The following SCHIP1 variants were observed in gnomAD, a reference collection of about 807,000 sequenced individuals.
SCHIP1 encodes the protein schwannomin-interacting protein 1.
In SCHIP1, 8 loss-of-function variants were observed where a neutral mutation model predicts 29.7. The observed-to-expected ratio is 0.27, with a 90% confidence interval of 0.16 to 0.49. The LOEUF (loss-of-function observed/expected upper bound fraction) is 0.49. SCHIP1 is among the 20% of genes least tolerant of loss of function. The pLI, the probability that SCHIP1 is intolerant of heterozygous loss-of-function variation, is 0.99. For synonymous variants in SCHIP1, 76 were observed against 94.9 expected (o/e 0.80, Z 1.16); for missense variants, 193 against 294.6 (o/e 0.66, Z 2.52).
the SCHIP1 span, among the ~76,000 whole-genome samples, chr3:159,472,860 T>C: frequency 6.6e-6 from 1 of 152,142 alleles, no homozygotes; most frequent in Non-Finnish European, 1.5e-5. Context: ...GTAGTTAAGA[T>C]TCAGTGGAAG....
At chr3:159,537,810 A>G in the SCHIP1 span, among the ~76,000 whole-genome samples, 1 of 152,180 alleles carries the variant, frequency 6.6e-6, no homozygotes, top group Non-Finnish European at 1.5e-5. Context: ...AGGGGCTTGG[A>G]AGAAATTAAC....
the SCHIP1 span, among the ~76,000 whole-genome samples, chr3:159,424,427 T>G: frequency 2.0e-5 from 3 of 152,048 alleles, no homozygotes; most frequent in African/African-American, 7.2e-5. Context: ...ATCAACTGGA[T>G]ATCAGTGTAT....
chr3:159,750,267 A>G, the SCHIP1 span, among the ~76,000 whole-genome samples: 24 of 9,284 alleles, frequency 2.6e-3, no homozygotes, highest in Admixed American at 0.016. Context: ...GTGTGTGTAT[A>G]TATATATATA....
chr3:159,624,243 A>G, the SCHIP1 span, among the ~76,000 whole-genome samples: 1 of 152,230 alleles, frequency 6.6e-6, no homozygotes, highest in African/African-American at 2.4e-5. Context: ...GATCAAGAAC[A>G]TGAGATTTGA....
chr3:159,880,359 G>A (rs1231120400), intron 2 of SCHIP1, among the ~76,000 whole-genome samples: 1 of 152,120 alleles, frequency 6.6e-6, no homozygotes, highest in African/African-American at 2.4e-5. Context: ...CCTTATTAAT[G>A]TCCAGGTAGC....
chr3:159,659,829 C>G, the SCHIP1 span, among the ~76,000 whole-genome samples: 1 of 152,040 alleles, frequency 6.6e-6, no homozygotes. Flanking sequence ...ATGAATAATT[C>G]AAATAAGACA....
the SCHIP1 span, among the ~76,000 whole-genome samples, chr3:159,732,592 A>G: frequency 6.6e-6 from 1 of 152,244 alleles, no homozygotes; most frequent in Non-Finnish European, 1.5e-5. Flanking sequence ...TAATGCAGCC[A>G]GTGAGGATGC....
the SCHIP1 span, among the ~76,000 whole-genome samples, chr3:159,554,100 G>A: frequency 6.6e-6 from 1 of 151,472 alleles, no homozygotes; most frequent in Non-Finnish European, 1.5e-5. Context: ...TCGGACTCCT[G>A]ACCTCGTGAT....
At chr3:159,835,882 C>T (rs1195159062), upstream of SCHIP1, among the ~76,000 whole-genome samples, 36 of 149,782 alleles carry the variant, frequency 2.4e-4, no homozygotes, top group Non-Finnish European at 5.9e-5. Context: ...TCTATTGTTG[C>T]TAATTGCCAC....
the SCHIP1 span, among the ~76,000 whole-genome samples, chr3:159,551,587 TTTCATTTTAAGGCC>T: frequency 7.9e-5 from 12 of 152,200 alleles, no homozygotes; most frequent in Admixed American, 3.3e-4. Context: ...TGTATAATAC[TTTCATTTTAAGGCC>T]TATGGGTTGC....
At chr3:159,855,741 C>T (rs1255218901) in intron 1 of SCHIP1, among the ~76,000 whole-genome samples, 4 of 151,908 alleles carry the variant, frequency 2.6e-5, no homozygotes, top group Non-Finnish European at 5.9e-5. Flanking sequence ...TTGATACATC[C>T]CTGCTTAGGT....
chr3:159,638,768 A>G, the SCHIP1 span, among the ~76,000 whole-genome samples: 1 of 152,164 alleles, frequency 6.6e-6, no homozygotes, highest in Non-Finnish European at 1.5e-5. Flanking sequence ...TCATCAATAT[A>G]TAAATACTTA....
At chr3:159,745,630 G>A in the SCHIP1 span, among the ~76,000 whole-genome samples, 1 of 152,124 alleles carries the variant, frequency 6.6e-6, no homozygotes, top group Non-Finnish European at 1.5e-5. Flanking sequence ...CATAGCTTAT[G>A]TCATTGATGC....
the SCHIP1 span, chr3:159,273,649 C>G: frequency 1.5e-6 from 2 of 1,365,284 alleles, no homozygotes; most frequent in East Asian, 2.7e-5. Context: ...GCTGCTTGAG[C>G]ATGGTGGTTG....
the SCHIP1 span, among the ~76,000 whole-genome samples, chr3:159,736,092 C>T: frequency 6.6e-6 from 1 of 151,778 alleles, no homozygotes; most frequent in Non-Finnish European, 1.5e-5. Context: ...AGGTAATGGC[C>T]CCAGATCTTG....
the SCHIP1 span, among the ~76,000 whole-genome samples, chr3:159,348,492 C>T: frequency 6.6e-6 from 1 of 152,032 alleles, no homozygotes; most frequent in South Asian, 2.1e-4. Flanking sequence ...CTAACTCGTA[C>T]TTTTTATATT....
At chr3:159,629,203 C>T in the SCHIP1 span, among the ~76,000 whole-genome samples, 2 of 151,990 alleles carry the variant, frequency 1.3e-5, no homozygotes, top group African/African-American at 4.8e-5. Context: ...ATTGAGACCC[C>T]AGGAGGTCCA....
At chr3:159,360,938 T>A in the SCHIP1 span, among the ~76,000 whole-genome samples, 6 of 152,194 alleles carry the variant, frequency 3.9e-5, no homozygotes, top group Admixed American at 1.3e-4. Context: ...GGTTCTGCTA[T>A]GGATTTCTCT....
At chr3:159,398,439 G>A in the SCHIP1 span, among the ~76,000 whole-genome samples, 1 of 152,104 alleles carries the variant, frequency 6.6e-6, no homozygotes, top group Non-Finnish European at 1.5e-5. Context: ...GGTAGGTCAG[G>A]GGTTGTCATG....
Sources: allele counts gnomAD v4.1 joint callset (sites outside exome capture counted in the v4.1 genomes callset), GRCh38; gene constraint gnomAD v4.1.1; transcripts MANE v1.5; gene names NCBI Gene and HGNC (gene_info 2026-07-23, HGNC 2026-07-21).